Variants in CT45A10 observed in about 807,000 individuals in gnomAD.
The protein encoded by CT45A10 is cancer/testis antigen family 45 member A10.
A neutral mutation model predicts 8.3 loss-of-function variants in CT45A10; 19 were observed. The ratio of observed to expected loss-of-function variants is 2.30; its 90% CI spans 1.61 to 3.38. The LOEUF (loss-of-function observed/expected upper bound fraction) is 3.38, where lower values mean the gene tolerates loss of function less well. Ranked by LOEUF, CT45A10 falls within the 30% of genes most tolerant of loss-of-function variation. CT45A10 has a pLI of 0.00. For missense variants in CT45A10, 149 were observed against 85.9 expected, an observed-to-expected ratio of 1.73 and a Z score of -2.90; for synonymous variants, 28 against 26.5, an observed-to-expected ratio of 1.06 and a Z score of -0.17.
At chrX:135,890,642 C>T (rs782225401) in intron 1 of CT45A10, among the ~76,000 whole-genome samples, 8 of 111,855 alleles carry the variant, frequency 7.2e-5, no homozygotes, top group East Asian at 2.8e-4. Flanking sequence ...GATAAAAAGG[C>T]GTGCCTTTAT....
intron 1 of CT45A10, among the ~76,000 whole-genome samples, chrX:135,892,715 G>A (rs1315858138): frequency 2.7e-5 from 3 of 112,054 alleles, no homozygotes; most frequent in South Asian, 7.5e-4. Context: ...AAGAGAAAGC[G>A]TCTGGTAAGC....
chrX:135,883,714 G>A (rs1299711252), intron 2 of CT45A10, among the ~76,000 whole-genome samples: 14 of 72,651 alleles, frequency 1.9e-4, no homozygotes, highest in Admixed American at 5.1e-4. Flanking sequence ...TACTGAGCTG[G>A]AACCCAGGCA....
At chrX:135,887,666 A>C (rs1191949912) in intron 1 of CT45A10, among the ~76,000 whole-genome samples, 1 of 109,768 alleles carries the variant, frequency 9.1e-6, no homozygotes, top group African/African-American at 3.2e-5. Flanking sequence ...AAAAGAAAAC[A>C]ATAAATAGCT....
intron 2 of CT45A10, among the ~76,000 whole-genome samples, chrX:135,883,756 T>C (rs1569520344): frequency 1.4e-5 from 1 of 69,406 alleles, no homozygotes; most frequent in Non-Finnish European, 2.8e-5. Context: ...TCTCCTGTTA[T>C]ATCAAACACA....
At chrX:135,891,896 T>A (rs2088503359) in intron 1 of CT45A10, among the ~76,000 whole-genome samples, 1 of 111,173 alleles carries the variant, frequency 9.0e-6, no homozygotes, top group African/African-American at 3.3e-5. Context: ...CCAGAATATA[T>A]GTAAACTACA....
chrX:135,891,505 G>T (rs1232455042), intron 1 of CT45A10, among the ~76,000 whole-genome samples: 1 of 108,729 alleles, frequency 9.2e-6, no homozygotes, highest in Non-Finnish European at 1.9e-5. Flanking sequence ...AGCAAACATC[G>T]CAATAAAATT....
At chrX:135,883,377 A>T in intron 2 of CT45A10, 121 bp from the exon 3 acceptor site, 2 of 1,153,758 alleles carry the variant, frequency 1.7e-6, no homozygotes, top group Non-Finnish European at 2.3e-6. Flanking sequence ...GCTGTGAGAT[A>T]CGTGTGTTTC....
At chrX:135,889,593 G>A (rs2088479456) in intron 1 of CT45A10, among the ~76,000 whole-genome samples, 1 of 111,672 alleles carries the variant, frequency 9.0e-6, no homozygotes, top group African/African-American at 3.3e-5. Flanking sequence ...GCTCACGCCT[G>A]TAATGTCAGC....
At chrX:135,892,815 C>T (rs1556590765) in intron 1 of CT45A10, among the ~76,000 whole-genome samples, 7 of 111,748 alleles carry the variant, frequency 6.3e-5, no homozygotes, top group Non-Finnish European at 1.9e-5. Flanking sequence ...GCCCCACAGC[C>T]GAGAACAGCA....
intron 1 of CT45A10, among the ~76,000 whole-genome samples, chrX:135,890,071 C>G (rs1556589529): frequency 8.9e-6 from 1 of 112,103 alleles, no homozygotes; most frequent in Non-Finnish European, 1.9e-5. Flanking sequence ...TCACGTGGAC[C>G]CCTTAAAGTT....
intron 1 of CT45A10, among the ~76,000 whole-genome samples, chrX:135,893,039 C>G (rs1556590941): frequency 9.1e-6 from 1 of 110,102 alleles, no homozygotes; most frequent in African/African-American, 3.3e-5. Flanking sequence ...GGCAGGGTCC[C>G]CAACCCTGGG....
chrX:135,890,698 G>C (rs1603115281), intron 1 of CT45A10, among the ~76,000 whole-genome samples: 2 of 112,107 alleles, frequency 1.8e-5, no homozygotes, highest in Non-Finnish European at 3.8e-5. Context: ...ATTATTAAGA[G>C]ACATTATTGT....
At chrX:135,892,017 C>CA (rs782680088) in intron 1 of CT45A10, among the ~76,000 whole-genome samples, 2 of 5,498 alleles carry the variant, frequency 3.6e-4, no homozygotes, top group South Asian at 0.014. Flanking sequence ...AAAAGTGCTC[C>CA]GAAAAAAAAA....
rs1262742834 is a variant in CT45A10, at chrX:135,883,024, G to A, written c.402C>T (p.Ile134=). 8.4e-7 allele frequency: 1 copy of A among 1,196,872 alleles called. No individual in the cohort carries two copies. Among genetic ancestry groups the A allele is most frequent in the Non-Finnish European group, 1.1e-6 (1 of 885,350 alleles). ...ACTACTTACTTCGTCCAAGGCATCGGATTTCCTTCACTACTTGACATTTTA... is the reference window on the plus strand; with the variant it reads ...ACTACTTACTTCGTCCAAGGCATCGAATTTCCTTCACTACTTGACATTTTA... ...ADIKCQVVKE[I]RCLGRKYEKI... The change falls in exon 3 of 5, where the codon ATC becomes ATT. Residue 134 remains isoleucine (I), a synonymous_variant. Coordinates refer to ENST00000682849, the MANE Select transcript of CT45A10 (RefSeq NM_001291529.2).
intron 1 of CT45A10, among the ~76,000 whole-genome samples, chrX:135,889,941 G>T (rs907486613): frequency 1.4e-4 from 16 of 111,558 alleles, no homozygotes; most frequent in African/African-American, 5.2e-4. Flanking sequence ...AACTACTTGT[G>T]TTATCTCTAA....
chrX:135,892,017 C>CAA (rs782680088), intron 1 of CT45A10, among the ~76,000 whole-genome samples: 4 of 5,489 alleles, frequency 7.3e-4, no homozygotes, highest in South Asian at 0.014. Context: ...AAAAGTGCTC[C>CAA]GAAAAAAAAA....
At chrX:135,891,350 T>C (rs970373457) in intron 1 of CT45A10, among the ~76,000 whole-genome samples, 3 of 107,851 alleles carry the variant, frequency 2.8e-5, no homozygotes, top group African/African-American at 1.0e-4. Context: ...ATGTATAGGA[T>C]AGGTTATATA....
At position 135,883,029 on chromosome X, in the gene CT45A10, C is replaced by T; in HGVS notation, c.397G>A (p.Glu133Lys). The change falls in exon 3 of 5, where the codon GAA (glutamate) becomes AAA (lysine). Residue 133 changes from glutamate (E) to lysine (K), a missense_variant. Glu to Lys is a moderately conservative substitution (Grantham distance 56). Coordinates refer to ENST00000682849, the MANE Select transcript of CT45A10 (RefSeq NM_001291529.2). ...NADIKCQVVK[E>K]IRCLGRKYEK... ...TTACTTCGTCCAAGGCATCGGATTT[C>T]CTTCACTACTTGACATTTTATATCA... 1 of 1,198,516 alleles carries T rather than the reference C, an allele frequency of 8.3e-7. No individual in the cohort carries two copies. Among genetic ancestry groups the T allele is most frequent in the South Asian group, 1.8e-5 (1 of 55,982 alleles).
chrX:135,883,104 C>G lies in CT45A10; in HGVS notation c.322G>C (p.Glu108Gln). The G allele has an allele frequency of 5.8e-6, 7 of 1,198,900 alleles. No individual in the cohort carries two copies. The highest frequency in any genetic ancestry group is 7.9e-6 in the Non-Finnish European group (7 of 885,949). The change falls in exon 3 of 5, where the codon GAA (glutamate) becomes CAA (glutamine). Residue 108 changes from glutamate to glutamine, a missense_variant. Physicochemically the swap from Glu to Gln is conservative, Grantham distance 29 (BLOSUM62 2). Transcript: ENST00000682849. ...VTSNFSGDDL[E>Q]CRGIASSPKS... ...GGAGAGGAGGCTATTCCTCTGCATT[C>G]TAGGTCATCTCCAGAGAAATTGCTG...
Sources: allele counts gnomAD v4.1 joint callset (sites outside exome capture counted in the v4.1 genomes callset), GRCh38; gene constraint gnomAD v4.1.1; transcripts MANE v1.5; gene names NCBI Gene and HGNC (gene_info 2026-07-23, HGNC 2026-07-21).